Variants in UBR2 observed in about 807,000 individuals in gnomAD.
UBR2 encodes ubiquitin protein ligase E3 component n-recognin 2.
In UBR2, 92 loss-of-function variants were observed where a neutral mutation model predicts 247.9. The ratio of observed to expected loss-of-function variants is 0.37; its 90% CI spans 0.31 to 0.44. The LOEUF is 0.44. Ranked by LOEUF, UBR2 falls within the 20% of genes least tolerant of loss-of-function variation. The pLI, the probability that UBR2 is intolerant of heterozygous loss-of-function variation, is 1.00. For synonymous variants in UBR2, 672 were observed against 693.5 expected (o/e 0.97, Z 0.49); for missense variants, 1,613 against 2,112.6 (o/e 0.76, Z 4.64).
rs1562292471 is a variant in UBR2 at position 42,594,174 on chromosome 6, T to C, written c.418-17T>C. The C allele has an allele frequency of 6.3e-7, 1 of 1,589,746 alleles. No homozygotes were observed. On this transcript the variant is annotated splice_polypyrimidine_tract_variant and intron_variant, in intron 3 of 46. Transcript: ENST00000372901. ...GTAAATATTTATTGACAAGATACTT[T>C]ACAATTTTTTTCCAAGATGACAACA...
At chr6:42,570,912 C>G (rs2151900049) in intron 1 of UBR2, among the ~76,000 whole-genome samples, 1 of 151,492 alleles carries the variant, frequency 6.6e-6, no homozygotes, top group Non-Finnish European at 1.5e-5. Flanking sequence ...ACTCGAACCT[C>G]TGAACTCAAA....
intron 11 of UBR2, among the ~76,000 whole-genome samples, chr6:42,627,787 C>T (rs1795448416): frequency 6.6e-6 from 1 of 152,058 alleles, no homozygotes; most frequent in Non-Finnish European, 1.5e-5. Context: ...ACTAGCATTA[C>T]AGGCATGAGC....
chr6:42,672,101 C>G (rs1488175721), intron 36 of UBR2, among the ~76,000 whole-genome samples: 1 of 151,942 alleles, frequency 6.6e-6, no homozygotes, highest in Admixed American at 6.6e-5. Context: ...GGCACAATCT[C>G]GGCCCACTGC....
intron 11 of UBR2, among the ~76,000 whole-genome samples, chr6:42,623,437 T>C (rs1412056013): frequency 6.6e-6 from 1 of 151,870 alleles, no homozygotes; most frequent in Non-Finnish European, 1.5e-5. Context: ...GAGCCCAACT[T>C]GGTTTTTGTT....
intron 34 of UBR2, among the ~76,000 whole-genome samples, chr6:42,669,098 T>A (rs1404129175): frequency 1.3e-5 from 2 of 151,904 alleles, no homozygotes; most frequent in African/African-American, 4.8e-5. Flanking sequence ...TCATTTTTTG[T>A]ATTTTTAGTG....
intron 17 of UBR2, 81 bp downstream of exon 17, chr6:42,641,773 C>A: frequency 9.2e-7 from 1 of 1,089,958 alleles, no homozygotes; most frequent in South Asian, 1.4e-5. Flanking sequence ...TGGACTTAGT[C>A]AGTGAAAGCT....
Position 42,659,550 on chromosome 6 carries a change from C to CT in UBR2, c.3243-106_3243-105insT. 3 of 773,224 alleles carry CT rather than the reference C, an allele frequency of 3.9e-6. No homozygotes were observed. The highest frequency in any genetic ancestry group is 6.3e-6 in the Non-Finnish European group (3 of 479,052). The allele number at this position is 773,224 out of a possible 1,614,324, so 47.9% of individuals were successfully genotyped here. On this transcript the variant is annotated intron_variant, in intron 29 of 46. Coordinates refer to ENST00000372901, the MANE Select transcript of UBR2 (RefSeq NM_001363705.2). This position sits in a 1 kb window ranked among gnomAD's most constrained non-coding sequence, Gnocchi z 4.3. Reference sequence around the variant, plus strand: ...ACACACACACACACACACACACACACACACACACACACTACACACACACAC... The same window carrying CT: ...ACACACACACACACACACACACACACTACACACACACACTACACACACACAC...
At chr6:42,617,101 T>A in intron 10 of UBR2, 1 of 698,296 alleles carries the variant, frequency 1.4e-6, no homozygotes, top group South Asian at 1.7e-5. Context: ...TATACAGGAT[T>A]CTATTGGTAG....
At position 42,622,840 on chromosome 6, in the gene UBR2, A is replaced by ATT. The variant is rs60224579; in HGVS notation, c.1281+5346_1281+5347dup. 3.7e-4 allele frequency among the ~76,000 whole-genome samples: 54 copies of ATT among 145,742 alleles called. 1 individual carries two copies. The highest frequency in any genetic ancestry group is 1.3e-3 in the African/African-American group (50 of 39,806). The stretch of plus-strand genomic sequence containing the variant: ...ATTCATTTATTCTAATGGTTTATAG[A>ATT]TTTTTTTTTTTTTTAAGATGGGGTC... On this transcript the variant is annotated intron_variant, in intron 11 of 46. Transcript: ENST00000372901.
chr6:42,629,673 T>C (rs80240893), intron 11 of UBR2, among the ~76,000 whole-genome samples: 1 of 151,932 alleles, frequency 6.6e-6, no homozygotes, highest in South Asian at 2.1e-4. Flanking sequence ...ATATATATAA[T>C]TTTTTAGGGT....
intron 4 of UBR2, among the ~76,000 whole-genome samples, chr6:42,596,404 T>C (rs967414555): frequency 4.6e-5 from 7 of 151,926 alleles, no homozygotes; most frequent in Admixed American, 4.6e-4. Flanking sequence ...AGTGGAAATA[T>C]AAAATGATTC....
intron 7 of UBR2, among the ~76,000 whole-genome samples, chr6:42,607,965 T>C (rs9369372): frequency 0.75 from 114,058 of 151,592 alleles, 43,299 homozygotes; most frequent in African/African-American, 0.85. Context: ...TGTTGATAAG[T>C]GTTGCTGTAG....
intron 3 of UBR2, among the ~76,000 whole-genome samples, chr6:42,592,447 A>G (rs1349772170): frequency 6.6e-6 from 1 of 152,152 alleles, no homozygotes; most frequent in Non-Finnish European, 1.5e-5. Context: ...TAATAGAGAT[A>G]TCAGCTCTTC....
rs114722228 is a variant in UBR2, at chr6:42,639,647, A to T, written c.1859-562A>T. On this transcript the variant is annotated intron_variant, in intron 15 of 46. Transcript: ENST00000372901. ...AGTATCAGTAAGGACCGTGAATTCC[A>T]GGGCCAGTTTTTCCGATCAGTGGCC... is the stretch of plus-strand genomic sequence containing the variant. Among the ~76,000 whole-genome samples, 609 of 152,332 alleles carry T rather than the reference A, an allele frequency of 4.0e-3. 1 individual carries two copies. Among genetic ancestry groups the T allele is most frequent in the African/African-American group, 0.014 (566 of 41,580 alleles).
chr6:42,603,461 G>A, intron 4 of UBR2, 127 bp from the exon 5 acceptor site: 1 of 911,060 alleles, frequency 1.1e-6, no homozygotes, highest in Non-Finnish European at 1.5e-6. Flanking sequence ...ATTCATTGAA[G>A]AGAAGCTGAA....
Position 42,659,867 on chromosome 6 carries a change from C to T in UBR2, c.3442+12C>T. On this transcript the variant is annotated intron_variant, in intron 30 of 46. Transcript: ENST00000372901. This position sits in a 1 kb window ranked among gnomAD's most constrained non-coding sequence, Gnocchi z 4.3. ...TATTCAAGATCCAGGTAAGTCATAGCTAGATCCTCATCTTCCCTTTTAATA... is the reference window on the plus strand; with the variant it reads ...TATTCAAGATCCAGGTAAGTCATAGTTAGATCCTCATCTTCCCTTTTAATA... The T allele has an allele frequency of 6.2e-7, 1 of 1,611,954 alleles. No individual in the cohort carries two copies. The highest frequency in any genetic ancestry group is 8.5e-7 in the Non-Finnish European group (1 of 1,178,442).
chr6:42,570,796 A>C (rs1791075720), intron 1 of UBR2, among the ~76,000 whole-genome samples: 1 of 150,350 alleles, frequency 6.7e-6, no homozygotes, highest in Admixed American at 6.6e-5. Flanking sequence ...TGATCCTCCC[A>C]CCTCAGCCTC....
chr6:42,595,933 C>T (rs1238588532), intron 4 of UBR2, among the ~76,000 whole-genome samples: 2 of 151,554 alleles, frequency 1.3e-5, no homozygotes, highest in Non-Finnish European at 2.9e-5. Flanking sequence ...CAGATTTTTC[C>T]ACTTCTATTG....
chr6:42,612,111 T>A, intron 7 of UBR2, 60 bp from the exon 8 acceptor site: 2 of 1,419,100 alleles, frequency 1.4e-6, no homozygotes, highest in Non-Finnish European at 1.9e-6. Flanking sequence ...ATAATAACTT[T>A]GTTCTGCCAA....
Sources: allele counts gnomAD v4.1 joint callset (sites outside exome capture counted in the v4.1 genomes callset), GRCh38; gene constraint gnomAD v4.1.1; non-coding constraint Gnocchi (gnomAD v3.1); transcripts MANE v1.5; gene names NCBI Gene and HGNC (gene_info 2026-07-23, HGNC 2026-07-21).